The following BEST1 variants were observed in gnomAD, a reference collection of about 807,000 sequenced individuals.
BEST1 encodes the protein bestrophin 1.
In BEST1, 58 loss-of-function variants were observed where a neutral mutation model predicts 63.3. That is an observed-to-expected ratio of 0.92 (90% CI 0.74 to 1.14). The LOEUF is 1.14. Ranked by LOEUF, BEST1 falls within the 50% of genes most tolerant of loss-of-function variation. The probability of loss-of-function intolerance (pLI) is 0.00; values close to 1 mark genes in which losing one functional copy is unlikely to be tolerated. For missense variants in BEST1, 671 were observed against 740.1 expected, an observed-to-expected ratio of 0.91 and a Z score of 1.08; for synonymous variants, 283 against 291.6, an observed-to-expected ratio of 0.97 and a Z score of 0.30.
chr11:61,953,366 A>G (rs1011384946), intron 2 of BEST1, among the ~76,000 whole-genome samples: 1 of 152,044 alleles, frequency 6.6e-6, no homozygotes, highest in Admixed American at 6.6e-5. Context: ...ACTTGAGCCC[A>G]GGAGTTTAGG....
downstream of BEST1, chr11:61,965,325 C>T: frequency 6.2e-7 from 1 of 1,610,754 alleles, no homozygotes; most frequent in Non-Finnish European, 8.5e-7. Flanking sequence ...TACCCGAACA[C>T]TGCCAGATGA....
chr11:61,955,069 CT>C, intron 2 of BEST1, 37 bp from the exon 3 acceptor site: 1 of 1,612,166 alleles, frequency 6.2e-7, no homozygotes, highest in Non-Finnish European at 8.5e-7. Context: ...CATCTCCTCG[CT>C]GCGTCCACAC....
At chr11:61,964,914 G>A (rs754761602), downstream of BEST1, 4 of 1,611,116 alleles carry the variant, frequency 2.5e-6, no homozygotes, top group East Asian at 6.7e-5. Context: ...GGGGAAGACA[G>A]TTAGTGGGCA....
Position 61,962,557 on chromosome 11 carries a change from C to T in BEST1, c.1403C>T (p.Pro468Leu), listed in dbSNP as rs747043918. 2 of 1,614,166 alleles carry T rather than the reference C, an allele frequency of 1.2e-6. No homozygotes were observed. Among genetic ancestry groups the T allele is most frequent in the African/African-American group, 1.3e-5 (1 of 75,042 alleles). ...LYQRPGYYSA[P>L]QTPLSPTPMF... ...CAGAGGCCAGGCTACTACAGTGCCC[C>T]ACAGACGCCCCTCAGCCCCACTCCC... Residue 468 changes from proline (P) to leucine (L), a missense_variant, in exon 10 of 11, where the codon CCA becomes CTA. Coordinates refer to ENST00000378043, the MANE Select transcript of BEST1 (RefSeq NM_004183.4).
chr11:61,951,834 G>A lies in BEST1; in HGVS notation c.28G>A (p.Ala10Thr), dbSNP rs281865206. Residue 10 changes from alanine to threonine, a missense_variant, in exon 2 of 11, where the codon GCT (alanine) becomes ACT (threonine). Physicochemically the swap from Ala to Thr is moderately conservative, Grantham distance 58. Transcript: ENST00000378043. ...GACCATCACTTACACAAGCCAAGTG[G>A]CTAATGCCCGCTTAGGCTCCTTCTC... MTITYTSQV[A>T]NARLGSFSRL... 3 of 1,613,322 alleles carry A rather than the reference G, an allele frequency of 1.9e-6. No individual in the cohort carries two copies. Among genetic ancestry groups the A allele is most frequent in the Non-Finnish European group, 2.5e-6 (3 of 1,180,018 alleles).
chr11:61,962,473 A>G lies in BEST1; in HGVS notation c.1319A>G (p.Glu440Gly), dbSNP rs1294740416. ...GCCAAACAGAACGTTAGGGGCCAGGAAGACAACAAGGCCTGGAAGCTTAAG... is the reference window on the plus strand; with the variant it reads ...GCCAAACAGAACGTTAGGGGCCAGGGAGACAACAAGGCCTGGAAGCTTAAG... ...KAAKQNVRGQ[E>G]DNKAWKLKAV... The change falls in exon 10 of 11, where the codon GAA (glutamate) becomes GGA (glycine). Residue 440 changes from glutamate to glycine, a missense_variant. Transcript: ENST00000378043. The G allele has an allele frequency of 5.6e-6, 9 of 1,614,062 alleles. No individual in the cohort carries two copies. Among genetic ancestry groups the G allele is most frequent in the Non-Finnish European group, 7.6e-6 (9 of 1,180,020 alleles).
At chr11:61,953,671 T>C (rs568106055) in intron 2 of BEST1, among the ~76,000 whole-genome samples, 4 of 152,132 alleles carry the variant, frequency 2.6e-5, no homozygotes, top group East Asian at 1.9e-4. Context: ...GACCATGCCA[T>C]TGCACTCCAG....
chr11:61,960,007 G>A lies in BEST1; in HGVS notation c.1064G>A (p.Arg355His), dbSNP rs368356148. 159 of 1,610,928 alleles carry A rather than the reference G, an allele frequency of 9.9e-5. No homozygotes were observed. The highest frequency in any genetic ancestry group is 3.5e-4 in the South Asian group (32 of 90,320). The change falls in exon 9 of 11, where the codon CGT (arginine) becomes CAT (histidine). Residue 355 changes from arginine (R) to histidine (H), a missense_variant. By Grantham distance (29) the Arg-to-His change is conservative (BLOSUM62 0). Transcript: ENST00000378043. ...PPYTAASAQF[R>H]RASFMGSTFN... is the part of the protein sequence containing the mutation. ...TACACAGCTGCTTCCGCCCAGTTCC[G>A]TCGAGCCTCCTTTATGGGCTCCACC...
downstream of BEST1, chr11:61,965,076 C>T (rs746051501): frequency 7.5e-6 from 12 of 1,608,500 alleles, no homozygotes; most frequent in Non-Finnish European, 1.0e-5. Context: ...CACTCCATTG[C>T]ATTCAGCCCG....
intron 2 of BEST1, chr11:61,954,796 C>T: frequency 1.0e-6 from 1 of 984,964 alleles, no homozygotes; most frequent in Non-Finnish European, 1.2e-6. Context: ...CCCTTGGCTG[C>T]ATTCAAAGGA....
Position 61,958,269 on chromosome 11 carries a change from C to A in BEST1, c.838C>A (p.Gln280Lys), listed in dbSNP as rs1438997201. ...DLVVPVFTFL[Q>K]FFFYVGWLKV... is the part of the protein sequence containing the mutation. ...CGTTGTGCCCGTCTTCACGTTCCTG[C>A]AGTTCTTCTTCTATGTTGGCTGGCT... is the stretch of plus-strand genomic sequence containing the variant. The change falls in exon 7 of 11, where the codon CAG (glutamine) becomes AAG (lysine). Residue 280 changes from glutamine to lysine, a missense_variant. Physicochemically the swap from Gln to Lys is moderately conservative, Grantham distance 53. Coordinates refer to ENST00000378043, the MANE Select transcript of BEST1 (RefSeq NM_004183.4). 2.5e-6 allele frequency: 4 copies of A among 1,614,118 alleles called. No homozygotes were observed. Among genetic ancestry groups the A allele is most frequent in the South Asian group, 2.2e-5 (2 of 91,094 alleles).
chr11:61,955,794 C>T lies in BEST1; in HGVS notation c.324C>T (p.Ser108=), dbSNP rs1565388478. The change falls in exon 4 of 11, where the codon AGC becomes AGT. Residue 108 remains serine (S), a synonymous_variant. Transcript: ENST00000378043. Reference sequence around the variant, plus strand: ...TGCCGTGGCCCGACCGCCTCATGAGCCTGGTGTCGGGCTTCGTCGAAGGCA... The same window carrying T: ...TGCCGTGGCCCGACCGCCTCATGAGTCTGGTGTCGGGCTTCGTCGAAGGCA... ...ENLPWPDRLM[S]LVSGFVEGKD... 6.5e-7 allele frequency: 1 copy of T among 1,550,284 alleles called. No homozygotes were observed. The highest frequency in any genetic ancestry group is 8.7e-7 in the Non-Finnish European group (1 of 1,146,932).
At chr11:61,954,139 T>C (rs1022324246) in intron 2 of BEST1, among the ~76,000 whole-genome samples, 24 of 152,298 alleles carry the variant, frequency 1.6e-4, no homozygotes, top group Admixed American at 1.5e-3. Context: ...GAGTCAGACT[T>C]CATTTTTTAG....
chr11:61,962,930 C>T lies in BEST1; in HGVS notation c.1739+37C>T, dbSNP rs182182538. 758 of 1,614,180 alleles carry T rather than the reference C, an allele frequency of 4.7e-4. 4 individuals are homozygous for T. In the African/African-American group the frequency reaches 9.0e-3, roughly 19 times the overall value. On this transcript the variant is annotated intron_variant, in intron 10 of 10. Transcript: ENST00000378043. ...ACCTGAACCAGGGGCACTGCATTGC[C>T]CTGTGCCCCACCCCAGCTTCCCTTG...
intron 1 of BEST1, 126 bp from the exon 2 acceptor site, chr11:61,951,645 A>T: frequency 1.1e-6 from 1 of 920,504 alleles, no homozygotes; most frequent in Non-Finnish European, 1.6e-6. Context: ...GGCCTTGGAG[A>T]CCACTTCATC....
chr11:61,962,807 C>A lies in BEST1; in HGVS notation c.1653C>A (p.His551Gln). The change falls in exon 10 of 11, where the codon CAC becomes CAA. Residue 551 changes from histidine to glutamine, a missense_variant. Transcript: ENST00000378043. ...ATATGCCAGAGATCCCCGAAAATCACCTCAAAGAACCTTTGGAACAATCAC... is the reference window on the plus strand; with the variant it reads ...ATATGCCAGAGATCCCCGAAAATCAACTCAAAGAACCTTTGGAACAATCAC... Reference protein sequence around the residue: ...LTDMPEIPENHLKEPLEQSPT... With the variant: ...LTDMPEIPENQLKEPLEQSPT... The A allele has an allele frequency of 6.2e-7, 1 of 1,614,200 alleles. No homozygotes were observed. The highest frequency in any genetic ancestry group is 8.5e-7 in the Non-Finnish European group (1 of 1,180,024).
chr11:61,963,185 C>A, intron 10 of BEST1: 2 of 1,437,206 alleles, frequency 1.4e-6, no homozygotes, highest in South Asian at 3.2e-5. Flanking sequence ...GAGAACTGCC[C>A]CAGGGCTGAC....
chr11:61,958,873 GACACAC>G lies in BEST1; in HGVS notation c.868-597_868-592del, dbSNP rs71471844. ...CTGTCTCTGCCCTTCCTGTCACTGTGACACACACACACACACACACACACACACACA... is the reference window on the plus strand; with the variant it reads ...CTGTCTCTGCCCTTCCTGTCACTGTGACACACACACACACACACACACACA... On this transcript the variant is annotated intron_variant, in intron 7 of 10. Coordinates refer to ENST00000378043, the MANE Select transcript of BEST1 (RefSeq NM_004183.4). 608 of 192,844 alleles carry G rather than the reference GACACAC, an allele frequency of 3.2e-3. 6 individuals are homozygous for G. The highest frequency in any genetic ancestry group is 0.018 in the African/African-American group (556 of 31,242). 11.9% of individuals were successfully genotyped at this position (192,844 alleles called of 1,614,324 possible). A position where few individuals can be genotyped will look rare whatever the true frequency, so the allele number is the denominator to read the frequency against.
Position 61,957,449 on chromosome 11 carries a change from A to G in BEST1, c.699A>G (p.Pro233=), listed in dbSNP as rs760816505. ...ATGCCTACGACTGGATTAGTATCCC[A>G]CTGGTGTATACACAGGTGAGGACTA... ...HLYAYDWISI[P]LVYTQVVTVA... Residue 233 remains proline (P), a synonymous_variant, in exon 6 of 11, where the codon CCA becomes CCG. Transcript: ENST00000378043. The G allele has an allele frequency of 3.2e-5, 52 of 1,613,926 alleles. No individual in the cohort carries two copies. In the East Asian group the frequency reaches 1.1e-3, roughly 35 times the overall value.
Sources: gnomAD v4.1 joint callset for allele counts (sites outside exome capture counted in the v4.1 genomes callset) on GRCh38, gnomAD v4.1.1 for gene constraint, MANE v1.5 for transcripts, NCBI Gene and HGNC (gene_info 2026-07-23, HGNC 2026-07-21) for gene names.